Variants in NCOA3 observed in about 807,000 individuals in gnomAD.
NCOA3 encodes the protein CBP-interacting protein.
In NCOA3, 51 loss-of-function variants were observed where a neutral mutation model predicts 158.8. That is an observed-to-expected ratio of 0.32 (90% CI 0.26 to 0.41). The LOEUF is 0.41. Ranked by LOEUF, NCOA3 falls within the 10% of genes least tolerant of loss-of-function variation. The pLI, the probability that NCOA3 is intolerant of heterozygous loss-of-function variation, is 1.00. For missense variants in NCOA3, 1,510 were observed against 1,746.6 expected (o/e 0.86, Z 2.41); for synonymous variants, 537 against 592.4 (o/e 0.91, Z 1.36).
At chr20:47,632,508 C>T (rs530104667) in intron 8 of NCOA3, among the ~76,000 whole-genome samples, 2 of 151,978 alleles carry the variant, frequency 1.3e-5, no homozygotes, top group East Asian at 3.9e-4. Context: ...CTGCCTCAGC[C>T]TCCCAAGTAG....
At chr20:47,632,117 G>A (rs1282807435) in intron 8 of NCOA3, among the ~76,000 whole-genome samples, 1 of 152,144 alleles carries the variant, frequency 6.6e-6, no homozygotes, top group East Asian at 1.9e-4. Context: ...TGACTGACTG[G>A]CTATAAATTG....
At chr20:47,585,584 T>G (rs1240275342) in intron 2 of NCOA3, among the ~76,000 whole-genome samples, 1 of 152,216 alleles carries the variant, frequency 6.6e-6, no homozygotes, top group Non-Finnish European at 1.5e-5. Context: ...TGTTCCACTT[T>G]CTGTTCCTAA....
At chr20:47,552,080 C>T (rs1234581177) in intron 1 of NCOA3, among the ~76,000 whole-genome samples, 1 of 152,192 alleles carries the variant, frequency 6.6e-6, no homozygotes, top group African/African-American at 2.4e-5. Context: ...CAAGGTCACT[C>T]ATCACTCATA....
chr20:47,516,641 C>T (rs1490376139), intron 1 of NCOA3, among the ~76,000 whole-genome samples: 1 of 152,142 alleles, frequency 6.6e-6, no homozygotes, highest in African/African-American at 2.4e-5. Flanking sequence ...GTCAAGCAGG[C>T]TGGGTGCAGT....
rs72645270 is a variant in NCOA3, at chr20:47,635,154, C to A, written c.1113-168C>A. On this transcript the variant is annotated intron_variant, in intron 10 of 22. Coordinates refer to ENST00000371998, the MANE Select transcript of NCOA3 (RefSeq NM_181659.3). ...GTGTTGCCCAGGTTGGTTTCAAACT[C>A]CTGAGCTCAAGTGATCCTCCTGCCT... Among the ~76,000 whole-genome samples, 103 of 152,134 alleles carry A rather than the reference C, an allele frequency of 6.8e-4. 2 individuals are homozygous for A. Among genetic ancestry groups the A allele is most frequent in the African/African-American group, 2.3e-3 (97 of 41,502 alleles).
intron 1 of NCOA3, among the ~76,000 whole-genome samples, chr20:47,570,351 G>A (rs1175714857): frequency 2.0e-5 from 3 of 152,222 alleles, no homozygotes; most frequent in Non-Finnish European, 2.9e-5. Flanking sequence ...TGAGGCAGGA[G>A]GATTGCTTGA....
chr20:47,611,016 A>T (rs560887728), intron 2 of NCOA3, among the ~76,000 whole-genome samples: 1 of 152,162 alleles, frequency 6.6e-6, no homozygotes, highest in Admixed American at 6.5e-5. Flanking sequence ...TTCATTGTTT[A>T]CTTAGTGTAC....
In NCOA3 at chr20:47,639,680, C is replaced by T; in HGVS notation, c.2811C>T (p.Ser937=). The T allele has an allele frequency of 1.2e-6, 2 of 1,614,124 alleles. No individual in the cohort carries two copies. The highest frequency in any genetic ancestry group is 1.7e-6 in the Non-Finnish European group (2 of 1,180,002). The change falls in exon 15 of 23, where the codon TCC becomes TCT. Residue 937 remains serine, a synonymous_variant. Coordinates refer to ENST00000371998, the MANE Select transcript of NCOA3 (RefSeq NM_181659.3). ...AGRMEPMNSN[S]MGRPGGDYNT... is the part of the protein sequence containing the mutation. The stretch of plus-strand genomic sequence containing the variant: ...GAATGGAACCTATGAATTCAAACTC[C>T]ATGGGAAGACCAGGAGGAGATTATA...
chr20:47,635,705 C>T lies in NCOA3; in HGVS notation c.1496C>T (p.Pro499Leu). 6.2e-7 allele frequency: 1 copy of T among 1,612,168 alleles called. No homozygotes were observed. The highest frequency in any genetic ancestry group is 1.1e-5 in the South Asian group (1 of 90,888). The change falls in exon 11 of 23, where the codon CCT (proline) becomes CTT (leucine). Residue 499 changes from proline (P) to leucine (L), a missense_variant. By Grantham distance (98) the Pro-to-Leu change is moderately conservative (BLOSUM62 -3). Transcript: ENST00000371998. ...SPKIASHQFS[P>L]VAGVHSPMAS... ...AAGATAGCCTCACATCAGTTTTCTCCTGTTGCAGGTATTTGTGTTGACATT... is the reference window on the plus strand; with the variant it reads ...AAGATAGCCTCACATCAGTTTTCTCTTGTTGCAGGTATTTGTGTTGACATT...
At chr20:47,517,620 T>C (rs2084257198) in intron 1 of NCOA3, among the ~76,000 whole-genome samples, 1 of 151,990 alleles carries the variant, frequency 6.6e-6, no homozygotes, top group African/African-American at 2.4e-5. Flanking sequence ...CTGGCTAATT[T>C]TTGTATTTTT....
intron 1 of NCOA3, among the ~76,000 whole-genome samples, chr20:47,539,230 C>CT (rs2084684019): frequency 1.3e-5 from 2 of 152,056 alleles, no homozygotes; most frequent in East Asian, 3.8e-4. Context: ...GCTTGATAAG[C>CT]TACTTGATAA....
intron 1 of NCOA3, among the ~76,000 whole-genome samples, chr20:47,549,877 T>A (rs2084901814): frequency 6.6e-6 from 1 of 152,038 alleles, no homozygotes; most frequent in Non-Finnish European, 1.5e-5. Context: ...CTAATTTTTG[T>A]AATTTTTTGT....
At chr20:47,646,747 C>T (rs570828145) in intron 17 of NCOA3, among the ~76,000 whole-genome samples, 3 of 152,206 alleles carry the variant, frequency 2.0e-5, no homozygotes, top group Non-Finnish European at 2.9e-5. Context: ...TCAAGAGAGA[C>T]ATGTCAAGCA....
At chr20:47,540,765 A>G (rs138599950) in intron 1 of NCOA3, among the ~76,000 whole-genome samples, 1 of 152,296 alleles carries the variant, frequency 6.6e-6, no homozygotes, top group African/African-American at 2.4e-5. Flanking sequence ...GAATAATGCA[A>G]GAGGTTTAAC....
chr20:47,508,174 C>G (rs184237583), intron 1 of NCOA3, among the ~76,000 whole-genome samples: 3 of 152,172 alleles, frequency 2.0e-5, no homozygotes, highest in Admixed American at 2.0e-4. Flanking sequence ...TATGCTTGGC[C>G]AGAAATATAC....
chr20:47,597,882 C>T (rs1041517868), intron 2 of NCOA3, among the ~76,000 whole-genome samples: 21 of 151,972 alleles, frequency 1.4e-4, no homozygotes, highest in African/African-American at 5.1e-4. Context: ...CCATTAGAGC[C>T]CGTTAACATA....
chr20:47,625,413 A>T lies in NCOA3; in HGVS notation c.289A>T (p.Lys97Ter). The change falls in exon 5 of 23, where the codon AAA (lysine) becomes TAA (stop). Residue 97 changes from lysine (K) to a stop codon, truncating the protein, a stop_gained. Coordinates refer to ENST00000371998, the MANE Select transcript of NCOA3 (RefSeq NM_181659.3). LOFTEE classifies it high-confidence loss of function. ...KTISNDDDVQ[K>*]ADVSSTGQGV... The stretch of plus-strand genomic sequence containing the variant: ...TATTTCCAATGATGATGATGTTCAA[A>T]AAGCCGATGTATCTTCTACAGGGCA... 1 of 1,613,762 alleles carries T rather than the reference A, an allele frequency of 6.2e-7. No individual in the cohort carries two copies. Among genetic ancestry groups the T allele is most frequent in the Non-Finnish European group, 8.5e-7 (1 of 1,179,774 alleles).
intron 2 of NCOA3, among the ~76,000 whole-genome samples, chr20:47,613,617 AAAAT>A (rs1488693711): frequency 3.9e-5 from 6 of 152,282 alleles, no homozygotes; most frequent in African/African-American, 1.4e-4. Context: ...AAGCAAAAGA[AAAAT>A]AAATAAGTAG....
intron 2 of NCOA3, among the ~76,000 whole-genome samples, chr20:47,585,094 C>G (rs565270525): frequency 2.8e-5 from 4 of 144,004 alleles, no homozygotes; most frequent in African/African-American, 1.0e-4. Context: ...CTCTGTCACC[C>G]AGGCTGGAGT....
Sources: allele counts gnomAD v4.1 joint callset (sites outside exome capture counted in the v4.1 genomes callset), GRCh38; gene constraint gnomAD v4.1.1; transcripts MANE v1.5; gene names NCBI Gene and HGNC (gene_info 2026-07-23, HGNC 2026-07-21).